KLHL42: variants seen among roughly 807,000 people sequenced by gnomAD.
KLHL42 encodes kelch like family member 42.
Under a neutral mutation model 32.7 loss-of-function variants are expected in KLHL42, and 27 were observed. The ratio of observed to expected loss-of-function variants is 0.83; its 90% CI spans 0.61 to 1.14. KLHL42 has a LOEUF of 1.14. KLHL42 is among the 50% of genes most tolerant of loss of function. The pLI is 0.00. For synonymous variants in KLHL42, 267 were observed against 248.2 expected (o/e 1.08, Z -0.71); for missense variants, 491 against 560.8 (o/e 0.88, Z 1.26).
At chr12:27,796,260 T>C (rs1418975214) in intron 2 of KLHL42, among the ~76,000 whole-genome samples, 5 of 152,182 alleles carry the variant, frequency 3.3e-5, no homozygotes, top group African/African-American at 4.8e-5. Flanking sequence ...TCTTTAAGCA[T>C]TGCTAACTAT....
chr12:27,794,021 G>C (rs2062208770), intron 2 of KLHL42, among the ~76,000 whole-genome samples: 1 of 152,170 alleles, frequency 6.6e-6, no homozygotes, highest in Non-Finnish European at 1.5e-5. Flanking sequence ...ATTTATGTTA[G>C]GAAGAAGTTA....
chr12:27,784,144 T>C (rs1277535990), intron 1 of KLHL42, among the ~76,000 whole-genome samples: 2 of 150,874 alleles, frequency 1.3e-5, no homozygotes, highest in African/African-American at 2.4e-5. Context: ...TTTTTGTTTT[T>C]TTTTTTTGGG....
In KLHL42 at chr12:27,781,109, G is replaced by A; in HGVS notation, c.779G>A (p.Gly260Glu). The A allele has an allele frequency of 6.2e-7, 1 of 1,614,118 alleles. No individual in the cohort carries two copies. Among genetic ancestry groups the A allele is most frequent in the South Asian group, 1.1e-5 (1 of 91,062 alleles). Residue 260 changes from glycine (G) to glutamate (E), a missense_variant, in exon 1 of 3, where the codon GGG becomes GAG. Coordinates refer to ENST00000381271, the MANE Select transcript of KLHL42 (RefSeq NM_020782.2). ...ILDNYLFIVG[G>E]YRITSQEISA... The stretch of plus-strand genomic sequence containing the variant: ...GACAACTACCTCTTCATAGTGGGCG[G>A]GTACAGGATCACTAGCCAGGAGATC...
chr12:27,782,718 C>G (rs2062154287), intron 1 of KLHL42, among the ~76,000 whole-genome samples: 1 of 151,702 alleles, frequency 6.6e-6, no homozygotes, highest in Admixed American at 6.6e-5. Context: ...TTCATACATC[C>G]TTGGTAGTCT....
At position 27,781,008 on chromosome 12, in the gene KLHL42, T is replaced by A; in HGVS notation, c.678T>A (p.Thr226=). The A allele has an allele frequency of 1.2e-6, 2 of 1,610,246 alleles. No homozygotes were observed. Among genetic ancestry groups the A allele is most frequent in the South Asian group, 2.2e-5 (2 of 90,594 alleles). Residue 226 remains threonine, a synonymous_variant, in exon 1 of 3, where the codon ACT becomes ACA. Coordinates refer to ENST00000381271, the MANE Select transcript of KLHL42 (RefSeq NM_020782.2). ...CCATGCTCAGGTACGAGGAGATGAC[T>A]GAGCGTTGGTTCCCGCTGGCCAACA... is the stretch of plus-strand genomic sequence containing the variant. ...PPSMLRYEEM[T]ERWFPLANNL... is the part of the protein sequence containing the mutation.
Position 27,800,068 on chromosome 12 carries a change from A to G in KLHL42, c.*1902A>G, listed in dbSNP as rs887980174. The G allele has an allele frequency of 4.1e-6, 4 of 979,012 alleles. No individual in the cohort carries two copies. The African/African-American group carries it at 7.0e-5, about 17-fold the overall frequency. The allele number at this position is 979,012 out of a possible 1,614,324, so 60.6% of individuals were successfully genotyped here. A position where few individuals can be genotyped will look rare whatever the true frequency, so the allele number is the denominator to read the frequency against. ...AATCTATTTATTTTAGATGGTGTTAACTTTTCGTTGCTGAAGAGCTTAACT... is the reference window on the plus strand; with the variant it reads ...AATCTATTTATTTTAGATGGTGTTAGCTTTTCGTTGCTGAAGAGCTTAACT... On this transcript the variant is annotated 3_prime_UTR_variant, in exon 3 of 3. Transcript: ENST00000381271.
At position 27,798,367 on chromosome 12, in the gene KLHL42, A is replaced by T; in HGVS notation, c.*201A>T. 1 of 534,236 alleles carries T rather than the reference A, an allele frequency of 1.9e-6. No homozygotes were observed. The highest frequency in any genetic ancestry group is 2.6e-5 in the South Asian group (1 of 38,134). The allele number at this position is 534,236 out of a possible 1,614,324, so 33.1% of individuals were successfully genotyped here. On this transcript the variant is annotated 3_prime_UTR_variant, in exon 3 of 3. Transcript: ENST00000381271. The stretch of plus-strand genomic sequence containing the variant: ...AAAGAGACCAACTTTGTTATTTTTT[A>T]AATTATTGATTTTTAAATTATGGGA...
rs778730303 is a variant in KLHL42, at chr12:27,798,507, A to T, written c.*341A>T. The T allele has an allele frequency of 4.1e-6, 1 of 245,492 alleles. No individual in the cohort carries two copies. The highest frequency in any genetic ancestry group is 2.3e-5 in the African/African-American group (1 of 43,572). The allele number at this position is 245,492 out of a possible 1,614,324, so 15.2% of individuals were successfully genotyped here. On this transcript the variant is annotated 3_prime_UTR_variant, in exon 3 of 3. Transcript: ENST00000381271. ...TCAATAATTGGGACAAATGGTAAAGATGATTTTAAAATCTGTTGTATTTAG... is the reference window on the plus strand; with the variant it reads ...TCAATAATTGGGACAAATGGTAAAGTTGATTTTAAAATCTGTTGTATTTAG...
chr12:27,781,005 G>T lies in KLHL42; in HGVS notation c.675G>T (p.Met225Ile), dbSNP rs2062145088. The change falls in exon 1 of 3, where the codon ATG becomes ATT. Residue 225 changes from methionine to isoleucine, a missense_variant. Met to Ile is a conservative substitution (Grantham distance 10). Coordinates refer to ENST00000381271, the MANE Select transcript of KLHL42 (RefSeq NM_020782.2). ...EPPSMLRYEE[M>I]TERWFPLANN... ...CGTCCATGCTCAGGTACGAGGAGAT[G>T]ACTGAGCGTTGGTTCCCGCTGGCCA... is the stretch of plus-strand genomic sequence containing the variant. The T allele has an allele frequency of 1.9e-6, 3 of 1,609,844 alleles. No homozygotes were observed. Among genetic ancestry groups the T allele is most frequent in the Non-Finnish European group, 2.5e-6 (3 of 1,177,374 alleles).
chr12:27,788,427 T>A (rs1455399963), intron 1 of KLHL42, among the ~76,000 whole-genome samples: 1 of 152,228 alleles, frequency 6.6e-6, no homozygotes, highest in African/African-American at 2.4e-5. Context: ...AGGGCTAGAC[T>A]CGAAGCCACC....
At chr12:27,797,395 T>C in intron 2 of KLHL42, 1 of 506,490 alleles carries the variant, frequency 2.0e-6, no homozygotes, top group South Asian at 1.5e-5. Context: ...CTTACTTTTT[T>C]TACACTGACC....
Position 27,786,815 on chromosome 12 carries a change from C to T in KLHL42, c.873-4893C>T, listed in dbSNP as rs373204676. ...TTGGCTCACTGCAAGCTCCGCGTCC[C>T]GTGTTAACGCTATTCTCCTGCCTCA... On this transcript the variant is annotated intron_variant, in intron 1 of 2. Coordinates refer to ENST00000381271, the MANE Select transcript of KLHL42 (RefSeq NM_020782.2). 1.7e-4 allele frequency among the ~76,000 whole-genome samples: 25 copies of T among 150,524 alleles called. No individual in the cohort carries two copies. The East Asian group carries it at 4.7e-3, about 28-fold the overall frequency.
chr12:27,801,639 G>A lies in KLHL42; in HGVS notation c.*3473G>A, dbSNP rs1352096756. The A allele has an allele frequency of 6.6e-6, 1 of 152,196 alleles. No homozygotes were observed. The highest frequency in any genetic ancestry group is 6.5e-5 in the Admixed American group (1 of 15,272). The allele number at this position is 152,196 out of a possible 1,614,324, so 9.4% of individuals were successfully genotyped here. A position where few individuals can be genotyped will look rare whatever the true frequency, so the allele number is the denominator to read the frequency against. ...AATGAGTGCAGCATTCCTGTCCTCTGTGCCAGGATTTGGTCTTAGAATCCA... is the reference window on the plus strand; with the variant it reads ...AATGAGTGCAGCATTCCTGTCCTCTATGCCAGGATTTGGTCTTAGAATCCA... On this transcript the variant is annotated 3_prime_UTR_variant, in exon 3 of 3. Transcript: ENST00000381271.
chr12:27,797,228 G>A (rs763767292), intron 2 of KLHL42: 3 of 456,206 alleles, frequency 6.6e-6, no homozygotes, highest in South Asian at 4.6e-5. Flanking sequence ...GACTTGTAAC[G>A]TTGTGTCCTT....
rs150101023 is a variant in KLHL42 at position 27,791,800 on chromosome 12, A to G, written c.965A>G (p.Asp322Gly). 18 of 1,614,162 alleles carry G rather than the reference A, an allele frequency of 1.1e-5. No homozygotes were observed. Among genetic ancestry groups the G allele is most frequent in the Non-Finnish European group, 1.4e-5 (17 of 1,180,020 alleles). ...GTTGAGTGTTACAACCCCGAGCAGG[A>G]TGCGTGGAATTTTGTGGCGCCCTTA... ...SNVECYNPEQ[D>G]AWNFVAPLPN... The change falls in exon 2 of 3, where the codon GAT becomes GGT. Residue 322 changes from aspartate (D) to glycine (G), a missense_variant. Asp to Gly is a moderately conservative substitution (Grantham distance 94). Coordinates refer to ENST00000381271, the MANE Select transcript of KLHL42 (RefSeq NM_020782.2).
rs1259072812 is a variant in KLHL42 at position 27,802,485 on chromosome 12, A to T, written c.*4319A>T. ...TTTTTCATCCTTAGATTTTATTCACATGAGAGATTTTTTTTATTTTCTCTG... is the reference window on the plus strand; with the variant it reads ...TTTTTCATCCTTAGATTTTATTCACTTGAGAGATTTTTTTTATTTTCTCTG... On this transcript the variant is annotated 3_prime_UTR_variant, in exon 3 of 3. Transcript: ENST00000381271. 6.5e-6 allele frequency: 1 copy of T among 152,674 alleles called. No homozygotes were observed. The highest frequency in any genetic ancestry group is 1.5e-5 in the Non-Finnish European group (1 of 68,044). 9.5% of individuals were successfully genotyped at this position (152,674 alleles called of 1,614,324 possible).
chr12:27,784,306 T>C (rs1316216663), intron 1 of KLHL42, among the ~76,000 whole-genome samples: 1 of 151,144 alleles, frequency 6.6e-6, no homozygotes, highest in Non-Finnish European at 1.5e-5. Context: ...GCTAATTTTT[T>C]TTTTTTTTGT....
rs1215519228 is a variant in KLHL42, at chr12:27,780,272, GGCTGGGA to G, written c.-57_-51del. 2 of 1,474,112 alleles carry G rather than the reference GGCTGGGA, an allele frequency of 1.4e-6. No homozygotes were observed. Among genetic ancestry groups the G allele is most frequent in the East Asian group, 5.9e-5 (2 of 33,804 alleles). 91.3% of individuals were successfully genotyped at this position (1,474,112 alleles called of 1,614,324 possible). On this transcript the variant is annotated 5_prime_UTR_variant, in exon 1 of 3. Coordinates refer to ENST00000381271, the MANE Select transcript of KLHL42 (RefSeq NM_020782.2). The surrounding 1 kb of genome is among the most constrained non-coding windows in gnomAD (Gnocchi z 8.8). ...CGCCCGGAACCGGCGCGCGCGTAGG[GGCTGGGA>G]GGCCGGCGCGCAGATCTGGCGGTGA... is the stretch of plus-strand genomic sequence containing the variant.
At chr12:27,792,147 T>A (rs982443614) in intron 2 of KLHL42, 4 of 289,222 alleles carry the variant, frequency 1.4e-5, no homozygotes, top group Non-Finnish European at 1.9e-5. Context: ...GAAAAAAAAA[T>A]GTTATCTCTT....
Sources: gnomAD v4.1 joint callset for allele counts (sites outside exome capture counted in the v4.1 genomes callset) on GRCh38, gnomAD v4.1.1 for gene constraint, Gnocchi (gnomAD v3.1) non-coding constraint, MANE v1.5 for transcripts, NCBI Gene and HGNC (gene_info 2026-07-23, HGNC 2026-07-21) for gene names.